Variants in PRKCE observed in about 807,000 individuals in gnomAD.
PRKCE encodes the protein protein kinase C epsilon.
Under a neutral mutation model 85.4 loss-of-function variants are expected in PRKCE, and 16 were observed. That is an observed-to-expected ratio of 0.19 (90% CI 0.13 to 0.28). PRKCE has a LOEUF of 0.28. Ranked by LOEUF, PRKCE falls within the 10% of genes least tolerant of loss-of-function variation. The pLI, the probability that PRKCE is intolerant of heterozygous loss-of-function variation, is 1.00. For synonymous variants in PRKCE, 388 were observed against 371.5 expected, an observed-to-expected ratio of 1.04 and a Z score of -0.51; for missense variants, 573 against 975.2, an observed-to-expected ratio of 0.59 and a Z score of 5.49.
chr2:46,010,300 T>C (rs1334974026), intron 9 of PRKCE, 44 bp from the exon 10 acceptor site: 7 of 1,511,486 alleles, frequency 4.6e-6, no homozygotes, highest in Non-Finnish European at 6.2e-6. Flanking sequence ...CTTCTTTTTA[T>C]TCCATACATG....
intron 2 of PRKCE, among the ~76,000 whole-genome samples, chr2:45,975,537 A>T (rs1702391633): frequency 6.6e-6 from 1 of 152,316 alleles, no homozygotes. Context: ...TCACGACCTC[A>T]TCTAAACCTA....
At chr2:45,727,942 C>T (rs1288091900) in intron 1 of PRKCE, among the ~76,000 whole-genome samples, 1 of 152,150 alleles carries the variant, frequency 6.6e-6, no homozygotes, top group African/African-American at 2.4e-5. Flanking sequence ...CGTGAGCCAC[C>T]GGGCCCAGCC....
chr2:46,084,020 C>T (rs902224109), intron 10 of PRKCE, among the ~76,000 whole-genome samples: 1 of 152,168 alleles, frequency 6.6e-6, no homozygotes, highest in Non-Finnish European at 1.5e-5. Context: ...TTCCAGTGGT[C>T]TGGGGTTGGC....
intron 1 of PRKCE, among the ~76,000 whole-genome samples, chr2:45,713,056 A>G (rs1052333883): frequency 6.6e-6 from 1 of 152,210 alleles, no homozygotes; most frequent in Non-Finnish European, 1.5e-5. Context: ...TCTTGGTCCC[A>G]GTCTGGTGCT....
intron 1 of PRKCE, among the ~76,000 whole-genome samples, chr2:45,793,755 C>T (rs1173401782): frequency 6.6e-6 from 1 of 152,168 alleles, no homozygotes; most frequent in African/African-American, 2.4e-5. Context: ...GTTTAAATTT[C>T]CCCCTAGATA....
In PRKCE at chr2:46,186,665, A is replaced by G. The variant is rs1196822096; in HGVS notation, c.*1784A>G. The G allele has an allele frequency of 1.3e-5, 2 of 152,614 alleles. No individual in the cohort carries two copies. The highest frequency in any genetic ancestry group is 2.9e-5 in the Non-Finnish European group (2 of 68,040). 9.5% of individuals were successfully genotyped at this position (152,614 alleles called of 1,614,324 possible). On this transcript the variant is annotated 3_prime_UTR_variant, in exon 15 of 15. Coordinates refer to ENST00000306156, the MANE Select transcript of PRKCE (RefSeq NM_005400.3). Reference sequence around the variant, plus strand: ...CATATATTAAGCTATATTAAATCTCACATACAGTTCTTCTGTGCTCTATTA... The same window carrying G: ...CATATATTAAGCTATATTAAATCTCGCATACAGTTCTTCTGTGCTCTATTA...
At chr2:45,728,029 G>C (rs1681232654) in intron 1 of PRKCE, among the ~76,000 whole-genome samples, 1 of 152,222 alleles carries the variant, frequency 6.6e-6, no homozygotes, top group African/African-American at 2.4e-5. Context: ...ACCAGGCTGA[G>C]GGAGATGGTC....
chr2:45,760,868 G>C (rs954679289), intron 1 of PRKCE, among the ~76,000 whole-genome samples: 3 of 152,114 alleles, frequency 2.0e-5, no homozygotes, highest in African/African-American at 7.2e-5. Context: ...GAGGCATAAA[G>C]GGAAACGCAC....
At chr2:46,180,585 C>T (rs1219124695) in intron 14 of PRKCE, among the ~76,000 whole-genome samples, 2 of 152,210 alleles carry the variant, frequency 1.3e-5, no homozygotes, top group Non-Finnish European at 1.5e-5. Flanking sequence ...GGGCAGATAC[C>T]ATGCACTGTG....
intron 1 of PRKCE, among the ~76,000 whole-genome samples, chr2:45,760,152 T>A (rs1056350531): frequency 2.0e-5 from 3 of 152,022 alleles, no homozygotes; most frequent in Non-Finnish European, 4.4e-5. Flanking sequence ...GAGAAGAGAT[T>A]AGGGGTAGAA....
intron 2 of PRKCE, among the ~76,000 whole-genome samples, chr2:45,952,595 C>T (rs1387206965): frequency 6.6e-6 from 1 of 152,130 alleles, no homozygotes; most frequent in Non-Finnish European, 1.5e-5. Context: ...TTTAGATTTA[C>T]CAAACAGTTG....
chr2:45,787,733 C>T (rs1157032408), intron 1 of PRKCE, among the ~76,000 whole-genome samples: 3 of 152,182 alleles, frequency 2.0e-5, no homozygotes, highest in African/African-American at 4.8e-5. Context: ...GACAACTTGG[C>T]TCAGGGTTCG....
At chr2:46,005,346 G>C (rs907288463) in intron 8 of PRKCE, among the ~76,000 whole-genome samples, 1 of 152,108 alleles carries the variant, frequency 6.6e-6, no homozygotes. Context: ...CTGCTCTCGT[G>C]ACCATTATCA....
Position 45,917,949 on chromosome 2 carries a change from C to T in PRKCE, c.413-58480C>T, listed in dbSNP as rs370935638. Among the ~76,000 whole-genome samples the T allele has an allele frequency of 1.8e-3, 273 of 152,286 alleles. 2 individuals are homozygous for T. Among genetic ancestry groups the T allele is most frequent in the East Asian group, 0.011 (56 of 5,164 alleles). ...CCTCATTGCCCAGGGCTGGCAGGGC[C>T]GGCGGCCGGCTGCTCCGAGTGCGGG... On this transcript the variant is annotated intron_variant, in intron 2 of 14. Transcript: ENST00000306156.
chr2:45,749,104 G>A (rs978717236), intron 1 of PRKCE, among the ~76,000 whole-genome samples: 3 of 152,046 alleles, frequency 2.0e-5, no homozygotes, highest in South Asian at 2.1e-4. Flanking sequence ...TGACCAGGCT[G>A]GTCTAGAACT....
intron 1 of PRKCE, among the ~76,000 whole-genome samples, chr2:45,669,621 G>A (rs1676064252): frequency 6.6e-6 from 1 of 152,210 alleles, no homozygotes; most frequent in Non-Finnish European, 1.5e-5. Flanking sequence ...GTTTCAGGGA[G>A]GGCAGGAAGA....
intron 1 of PRKCE, among the ~76,000 whole-genome samples, chr2:45,780,780 C>G (rs1177948292): frequency 2.0e-5 from 3 of 152,186 alleles, no homozygotes; most frequent in Non-Finnish European, 4.4e-5. Context: ...TCATAGCTTC[C>G]TCCTCTCATT....
chr2:46,099,989 T>C (rs533934785), intron 11 of PRKCE, among the ~76,000 whole-genome samples: 1 of 152,222 alleles, frequency 6.6e-6, no homozygotes, highest in African/African-American at 2.4e-5. Flanking sequence ...TAAAGCTCAG[T>C]CTTAGTTGGG....
chr2:46,112,096 G>A (rs1672310624), intron 11 of PRKCE, among the ~76,000 whole-genome samples: 2 of 152,240 alleles, frequency 1.3e-5, no homozygotes, highest in Non-Finnish European at 1.5e-5. Context: ...ACCTGTTTAG[G>A]ATATTTAGAT....
Sources: gnomAD v4.1 joint callset for allele counts (sites outside exome capture counted in the v4.1 genomes callset) on GRCh38, gnomAD v4.1.1 for gene constraint, MANE v1.5 for transcripts, NCBI Gene and HGNC (gene_info 2026-07-23, HGNC 2026-07-21) for gene names.